CLVS1: variants seen among roughly 807,000 people sequenced by gnomAD.
The protein encoded by CLVS1 is clavesin 1, also known as clavesin-1.
CLVS1 carries 10 observed loss-of-function variants against 33.1 expected under a neutral mutation model. The observed-to-expected ratio is 0.30, with a 90% confidence interval of 0.19 to 0.51. The LOEUF (loss-of-function observed/expected upper bound fraction) is 0.51. Among genes scored for constraint, CLVS1 ranks in the 20% least tolerant of loss-of-function variants. The pLI is 0.97. For synonymous variants in CLVS1, 163 were observed against 166.1 expected (o/e 0.98, Z 0.14); for missense variants, 343 against 433.4 (o/e 0.79, Z 1.85).
At position 61,420,743 on chromosome 8, in the gene CLVS1, C is replaced by A. The variant is rs1041277472; in HGVS notation, c.631-33398C>A. On this transcript the variant is annotated intron_variant, in intron 3 of 5. Coordinates refer to ENST00000325897, the MANE Select transcript of CLVS1 (RefSeq NM_173519.3). The stretch of plus-strand genomic sequence containing the variant: ...CAGCACTTCGGTAGGCTGAGGCGGG[C>A]GGATCACCTGAAGTCAGGAGTTTGA... Among the ~76,000 whole-genome samples, 3 of 152,060 alleles carry A rather than the reference C, an allele frequency of 2.0e-5. No individual in the cohort carries two copies. In the South Asian group the frequency reaches 6.2e-4, roughly 32 times the overall value.
chr8:61,172,716 T>G (rs1807029593), intron 2 of CLVS1, among the ~76,000 whole-genome samples: 1 of 152,164 alleles, frequency 6.6e-6, no homozygotes, highest in African/African-American at 2.4e-5. Flanking sequence ...TATCGTATTT[T>G]CACATAAGCA....
At chr8:60,993,190 G>A in the CLVS1 span, among the ~76,000 whole-genome samples, 1 of 152,224 alleles carries the variant, frequency 6.6e-6, no homozygotes, top group Non-Finnish European at 1.5e-5. Context: ...ATTGGTGGGA[G>A]GGGCTGCCCC....
chr8:61,399,837 AT>A (rs1814678780), intron 3 of CLVS1, among the ~76,000 whole-genome samples: 1 of 152,102 alleles, frequency 6.6e-6, no homozygotes, highest in African/African-American at 2.4e-5. Context: ...CAAAGATCAG[AT>A]GGTTGTAGGT....
upstream of CLVS1, among the ~76,000 whole-genome samples, chr8:61,287,074 C>T (rs558815497): frequency 3.4e-4 from 51 of 152,156 alleles, no homozygotes; most frequent in African/African-American, 8.7e-4. Context: ...GCATAAGGTA[C>T]GAGAAGTGAA....
At chr8:61,156,545 G>T (rs1416752988) in intron 2 of CLVS1, among the ~76,000 whole-genome samples, 1 of 152,158 alleles carries the variant, frequency 6.6e-6, no homozygotes, top group Admixed American at 6.5e-5. Context: ...ACAATTTATA[G>T]AGGATGTGTA....
intron 3 of CLVS1, among the ~76,000 whole-genome samples, chr8:61,422,216 T>TG (rs899143953): frequency 1.1e-4 from 17 of 152,204 alleles, no homozygotes; most frequent in African/African-American, 4.1e-4. Flanking sequence ...CTGAATAGTC[T>TG]GACCTAATGT....
At chr8:61,141,728 A>C (rs1429422711) in intron 2 of CLVS1, among the ~76,000 whole-genome samples, 4 of 152,208 alleles carry the variant, frequency 2.6e-5, no homozygotes, top group Non-Finnish European at 4.4e-5. Flanking sequence ...GATTTTGCTC[A>C]TCTGATTCCA....
intron 5 of CLVS1, among the ~76,000 whole-genome samples, chr8:61,492,754 CAG>C (rs1215568003): frequency 6.6e-6 from 1 of 152,038 alleles, no homozygotes; most frequent in African/African-American, 2.4e-5. Flanking sequence ...ATTGTCAAAG[CAG>C]AGAGAGGTTT....
At chr8:61,120,887 G>A (rs1214358360) in intron 1 of CLVS1, among the ~76,000 whole-genome samples, 1 of 146,894 alleles carries the variant, frequency 6.8e-6, no homozygotes, top group African/African-American at 2.6e-5. Flanking sequence ...TCCTTGATCT[G>A]TGGTAGGCTC....
At chr8:61,211,386 C>A (rs1247524699) in intron 2 of CLVS1, among the ~76,000 whole-genome samples, 1 of 150,448 alleles carries the variant, frequency 6.6e-6, no homozygotes, top group East Asian at 1.9e-4. Context: ...CCCTTCTCTT[C>A]CTTCCCCCTT....
chr8:61,452,860 C>A (rs1817011318), intron 3 of CLVS1, among the ~76,000 whole-genome samples: 1 of 152,104 alleles, frequency 6.6e-6, no homozygotes, highest in Non-Finnish European at 1.5e-5. Flanking sequence ...AAATGGCAAC[C>A]CTTAAGTGCA....
At chr8:61,197,355 G>T (rs1807638153) in intron 2 of CLVS1, among the ~76,000 whole-genome samples, 3 of 151,992 alleles carry the variant, frequency 2.0e-5, no homozygotes, top group Admixed American at 2.0e-4. Flanking sequence ...TTTGTTTCTG[G>T]GTTCTCTTGG....
At chr8:60,981,736 A>T in the CLVS1 span, among the ~76,000 whole-genome samples, 1 of 152,254 alleles carries the variant, frequency 6.6e-6, no homozygotes, top group Admixed American at 6.5e-5. Flanking sequence ...GTACAGAGGA[A>T]CAGCAGCTTG....
intron 3 of CLVS1, among the ~76,000 whole-genome samples, chr8:61,403,980 G>A (rs1814876829): frequency 6.6e-6 from 1 of 152,230 alleles, no homozygotes; most frequent in Admixed American, 6.5e-5. Flanking sequence ...ATGGTGTTGT[G>A]AGAGAATTCC....
At chr8:61,241,223 C>A (rs2129314247) in intron 2 of CLVS1, among the ~76,000 whole-genome samples, 1 of 152,248 alleles carries the variant, frequency 6.6e-6, no homozygotes, top group Admixed American at 6.5e-5. Context: ...AAGACATCTT[C>A]AATTCATAGT....
chr8:61,057,366 TCACACACACACACACACACACACACACA>T (rs61415501), intron 1 of CLVS1: 1 of 139,862 alleles, frequency 7.1e-6, no homozygotes, highest in Admixed American at 7.2e-5. Flanking sequence ...TTAGCACACT[TCACACACACACACACACACACACACACA>T]CACACACACA....
At chr8:61,480,011 G>A (rs184386424) in intron 5 of CLVS1, among the ~76,000 whole-genome samples, 57 of 152,346 alleles carry the variant, frequency 3.7e-4, no homozygotes, top group African/African-American at 1.2e-3. Context: ...GTGCCTCCCC[G>A]TTAGGCTACT....
At position 61,441,618 on chromosome 8, in the gene CLVS1, T is replaced by C. The variant is rs182840763; in HGVS notation, c.631-12523T>C. Among the ~76,000 whole-genome samples the C allele has an allele frequency of 5.1e-4, 77 of 152,256 alleles. 1 individual carries two copies. The highest frequency in any genetic ancestry group is 1.0e-3 in the Non-Finnish European group (68 of 68,018). ...TGCAAGCATTACAAATCTTAGAAAA[T>C]GGCACTAGTTAATCCTTCATTATCC... is the stretch of plus-strand genomic sequence containing the variant. On this transcript the variant is annotated intron_variant, in intron 3 of 5. Transcript: ENST00000325897.
chr8:61,118,649 C>A lies in CLVS1; in HGVS notation c.-242-13121C>A, dbSNP rs551169028. Among the ~76,000 whole-genome samples the A allele has an allele frequency of 5.7e-4, 87 of 151,718 alleles. 1 individual carries two copies. The highest frequency in any genetic ancestry group is 4.5e-3 in the Admixed American group (68 of 15,260). On this transcript the variant is annotated intron_variant, in intron 1 of 2. Transcript: ENST00000522621. ...TATGTACCCAGTAGTCATTCAGGAG[C>A]AGGTTGTTCAGTTTCCATGGAGTTG...
Sources: gnomAD v4.1 joint callset for allele counts (sites outside exome capture counted in the v4.1 genomes callset) on GRCh38, gnomAD v4.1.1 for gene constraint, MANE v1.5 for transcripts, NCBI Gene and HGNC (gene_info 2026-07-23, HGNC 2026-07-21) for gene names.